The following DCAF1 variants were observed in gnomAD, a reference collection of about 807,000 sequenced individuals.
DCAF1 encodes DDB1- and CUL4-associated factor 1.
In DCAF1, 15 loss-of-function variants were observed where a neutral mutation model predicts 128.0. That is an observed-to-expected ratio of 0.12 (90% CI 0.08 to 0.18). DCAF1 has a LOEUF of 0.18. Among genes scored for constraint, DCAF1 ranks in the 10% least tolerant of loss-of-function variants. The probability of loss-of-function intolerance (pLI) is 1.00; values close to 1 mark genes in which losing one functional copy is unlikely to be tolerated. For missense variants in DCAF1, 988 were observed against 1,649.5 expected, an observed-to-expected ratio of 0.60 and a Z score of 6.95; for synonymous variants, 610 against 603.0, an observed-to-expected ratio of 1.01 and a Z score of -0.17.
At position 51,403,348 on chromosome 3, in the gene DCAF1, GTCA is replaced by G. The variant is rs1162450048; in HGVS notation, c.4257_4259del (p.Asp1420del). On this transcript the variant is annotated inframe_deletion, in exon 24 of 25. Coordinates refer to ENST00000684031, the MANE Select transcript of DCAF1 (RefSeq NM_001387579.1). ...TGTCAAGCTCATCTAAATCATCGGT[GTCA>G]TCATCATCTTCATCATCATCTTCTT... 3.2e-6 allele frequency: 5 copies of G among 1,555,946 alleles called. No individual in the cohort carries two copies. Among genetic ancestry groups the G allele is most frequent in the Middle Eastern group, 1.7e-4 (1 of 5,996 alleles).
intron 23 of DCAF1, among the ~76,000 whole-genome samples, chr3:51,409,039 C>A (rs1383282149): frequency 6.6e-6 from 1 of 152,202 alleles, no homozygotes; most frequent in East Asian, 1.9e-4. Context: ...GCCCCTCTCA[C>A]TCTTGGCTGT....
At chr3:51,503,321 C>T (rs1708863853), upstream of DCAF1, among the ~76,000 whole-genome samples, 1 of 152,166 alleles carries the variant, frequency 6.6e-6, no homozygotes, top group Non-Finnish European at 1.5e-5. Flanking sequence ...ACACCCACTC[C>T]CTGGGTAGGA....
chr3:51,449,794 C>T (rs1702186814), intron 6 of DCAF1, among the ~76,000 whole-genome samples: 1 of 151,960 alleles, frequency 6.6e-6, no homozygotes, highest in South Asian at 2.1e-4. Context: ...TTACTAGCAA[C>T]AGAAATGAAA....
chr3:51,466,863 T>C lies in DCAF1; in HGVS notation c.201A>G (p.Pro67=). 2 of 1,613,788 alleles carry C rather than the reference T, an allele frequency of 1.2e-6. No homozygotes were observed. Among genetic ancestry groups the C allele is most frequent in the South Asian group, 2.2e-5 (2 of 91,076 alleles). ...FDDRHPGRAD[P]ECMLGHLLRI... ...TCAGCAAGTGGCCCAGCATACACTC[T>C]GGATCAGCTCGACCTACCAAGAGAA... Residue 67 remains proline (P), a synonymous_variant, in exon 5 of 25, where the codon CCA becomes CCG. Coordinates refer to ENST00000684031, the MANE Select transcript of DCAF1 (RefSeq NM_001387579.1).
intron 11 of DCAF1, 124 bp downstream of exon 11, chr3:51,429,909 A>G: frequency 3.3e-6 from 2 of 607,012 alleles, no homozygotes; most frequent in Non-Finnish European, 5.9e-6. Context: ...AAAACTTCAC[A>G]AAAAGAATGG....
At chr3:51,407,999 A>AAAC (rs1274475410) in intron 23 of DCAF1, among the ~76,000 whole-genome samples, 6 of 150,920 alleles carry the variant, frequency 4.0e-5, no homozygotes, top group Middle Eastern at 3.4e-3. Flanking sequence ...AAAAAAAAAA[A>AAAC]AAAAAAAAAA....
chr3:51,495,526 CTAAA>C (rs369627945), intron 2 of DCAF1, among the ~76,000 whole-genome samples: 40 of 151,450 alleles, frequency 2.6e-4, no homozygotes, highest in African/African-American at 8.5e-4. Context: ...TTGTAACAGA[CTAAA>C]TAAAGGAAAA....
chr3:51,500,845 T>G (rs1310080860), upstream of DCAF1, among the ~76,000 whole-genome samples: 54 of 144,252 alleles, frequency 3.7e-4, no homozygotes, highest in African/African-American at 1.3e-3. Context: ...AGGGTCTCGC[T>G]CTGTCATCCA....
At chr3:51,421,320 G>C (rs1232408957) in intron 14 of DCAF1, among the ~76,000 whole-genome samples, 6 of 152,146 alleles carry the variant, frequency 3.9e-5, no homozygotes, top group African/African-American at 1.4e-4. Flanking sequence ...GCAGTGGCGT[G>C]ATCTTGGCTC....
intron 6 of DCAF1, among the ~76,000 whole-genome samples, chr3:51,457,565 C>T (rs1474296083): frequency 6.6e-6 from 1 of 152,096 alleles, no homozygotes; most frequent in Admixed American, 6.6e-5. Context: ...ACACAGAACA[C>T]CACAAAGATA....
chr3:51,487,700 C>T (rs908043968), intron 2 of DCAF1, among the ~76,000 whole-genome samples: 8 of 151,678 alleles, frequency 5.3e-5, no homozygotes, highest in Non-Finnish European at 1.0e-4. Context: ...CTCCTCTTTC[C>T]TCTCCCTTTT....
chr3:51,491,645 G>C (rs1707657006), intron 2 of DCAF1, among the ~76,000 whole-genome samples: 1 of 151,988 alleles, frequency 6.6e-6, no homozygotes, highest in Non-Finnish European at 1.5e-5. Flanking sequence ...GCAGGAGTTC[G>C]AGACCAGACT....
intron 13 of DCAF1, among the ~76,000 whole-genome samples, chr3:51,426,215 CTT>C (rs535315482): frequency 6.8e-6 from 1 of 147,014 alleles, no homozygotes. Flanking sequence ...AATGGGTTCA[CTT>C]TTTTTTTTTT....
At position 51,433,094 on chromosome 3, in the gene DCAF1, T is replaced by G; in HGVS notation, c.1287+12A>C. On this transcript the variant is annotated intron_variant, in intron 10 of 24. Transcript: ENST00000684031. ...CTAATCTCATCCCCACAAACCTGTA[T>G]AGATGACTTACTCTTTCCATGGCAT... The G allele has an allele frequency of 2.5e-6, 1 of 398,528 alleles. No individual in the cohort carries two copies. The highest frequency in any genetic ancestry group is 3.6e-5 in the East Asian group (1 of 28,056). 24.7% of individuals were successfully genotyped at this position (398,528 alleles called of 1,614,324 possible).
chr3:51,409,737 A>G (rs1553627808), intron 23 of DCAF1, among the ~76,000 whole-genome samples: 5 of 152,214 alleles, frequency 3.3e-5, no homozygotes, highest in South Asian at 2.1e-4. Flanking sequence ...ATGATAGCTA[A>G]TGTGAAAAAG....
At chr3:51,432,133 C>T (rs1553635763) in intron 10 of DCAF1, among the ~76,000 whole-genome samples, 1 of 150,704 alleles carries the variant, frequency 6.6e-6, no homozygotes, top group African/African-American at 2.4e-5. Flanking sequence ...TAGCTGGGCA[C>T]AGTGGTGGGC....
intron 3 of DCAF1, among the ~76,000 whole-genome samples, chr3:51,471,241 T>C (rs1553648328): frequency 6.6e-6 from 1 of 150,444 alleles, no homozygotes; most frequent in Non-Finnish European, 1.5e-5. Flanking sequence ...TGGAGTGCAG[T>C]GGTGTGATCT....
chr3:51,495,952 C>T (rs1485342360), intron 2 of DCAF1, among the ~76,000 whole-genome samples: 1 of 151,176 alleles, frequency 6.6e-6, no homozygotes, highest in Non-Finnish European at 1.5e-5. Context: ...CATAACTGCA[C>T]CACTGTACTC....
chr3:51,484,229 T>G (rs1176858091), intron 2 of DCAF1, among the ~76,000 whole-genome samples: 5 of 152,002 alleles, frequency 3.3e-5, no homozygotes, highest in African/African-American at 1.2e-4. Flanking sequence ...TCCCAGCACT[T>G]TGGGAGGCTG....
Sources: gnomAD v4.1 joint callset for allele counts (sites outside exome capture counted in the v4.1 genomes callset) on GRCh38, gnomAD v4.1.1 for gene constraint, MANE v1.5 for transcripts, NCBI Gene and HGNC (gene_info 2026-07-23, HGNC 2026-07-21) for gene names.